The following DENND5B variants were observed in gnomAD, a reference collection of about 807,000 sequenced individuals.
DENND5B encodes the protein DENN domain-containing protein 5B.
DENND5B carries 34 observed loss-of-function variants against 140.6 expected under a neutral mutation model. That is an observed-to-expected ratio of 0.24 (90% CI 0.18 to 0.32). The LOEUF is 0.32. DENND5B is among the 10% of genes least tolerant of loss of function. The pLI, the probability that DENND5B is intolerant of heterozygous loss-of-function variation, is 1.00. For synonymous variants in DENND5B, 551 were observed against 562.1 expected (o/e 0.98, Z 0.28); for missense variants, 1,142 against 1,560.2 (o/e 0.73, Z 4.52).
chr12:31,589,839 G>C (rs1266305384), intron 1 of DENND5B: 1 of 152,188 alleles, frequency 6.6e-6, no homozygotes, highest in Admixed American at 6.5e-5. Context: ...GCCTCCTCTC[G>C]ACACTGCGCA....
At chr12:31,428,866 G>A (rs1943369517) in intron 8 of DENND5B, among the ~76,000 whole-genome samples, 1 of 152,152 alleles carries the variant, frequency 6.6e-6, no homozygotes, top group African/African-American at 2.4e-5. Context: ...CAAGTAGCTG[G>A]GACTACAGGC....
At chr12:31,436,502 T>G (rs189744996) in intron 7 of DENND5B, among the ~76,000 whole-genome samples, 3 of 152,166 alleles carry the variant, frequency 2.0e-5, no homozygotes, top group Admixed American at 1.3e-4. Flanking sequence ...CATTTAGTAC[T>G]GCTGATCGCT....
chr12:31,547,080 T>C lies in DENND5B; in HGVS notation c.127+43626A>G, dbSNP rs549646282. ...TCCTCTAGAGTTTCTCTGAGGTCACTGCCATGTTGCTTCCTATCAGACAAG... is the reference window on the plus strand; with the variant it reads ...TCCTCTAGAGTTTCTCTGAGGTCACCGCCATGTTGCTTCCTATCAGACAAG... On this transcript the variant is annotated intron_variant, in intron 1 of 20. Transcript: ENST00000389082. Among the ~76,000 whole-genome samples the C allele has an allele frequency of 3.4e-4, 52 of 152,358 alleles. 1 individual carries two copies. The South Asian group carries it at 0.01, about 30-fold the overall frequency.
chr12:31,539,998 A>C (rs1196265562), intron 1 of DENND5B, among the ~76,000 whole-genome samples: 1 of 152,154 alleles, frequency 6.6e-6, no homozygotes, highest in African/African-American at 2.4e-5. Flanking sequence ...CCACCAAAAA[A>C]CTATTAGAAC....
At chr12:31,540,672 CAAA>C (rs1190833043) in intron 1 of DENND5B, among the ~76,000 whole-genome samples, 2 of 141,090 alleles carry the variant, frequency 1.4e-5, no homozygotes, top group African/African-American at 5.2e-5. Context: ...ACCCCCCCAC[CAAA>C]AAAAAAAGAA....
intron 6 of DENND5B, among the ~76,000 whole-genome samples, chr12:31,444,467 C>A (rs1447465180): frequency 6.6e-6 from 1 of 152,130 alleles, no homozygotes; most frequent in Non-Finnish European, 1.5e-5. Flanking sequence ...TGGTCTCGAA[C>A]CCATGACCCC....
intron 4 of DENND5B, among the ~76,000 whole-genome samples, chr12:31,456,861 T>C (rs893181531): frequency 6.6e-6 from 1 of 152,152 alleles, no homozygotes; most frequent in African/African-American, 2.4e-5. Flanking sequence ...AGAGGATCGC[T>C]TGAGCCCAAG....
chr12:31,567,751 C>T (rs555444580), intron 1 of DENND5B, among the ~76,000 whole-genome samples: 1 of 152,134 alleles, frequency 6.6e-6, no homozygotes, highest in African/African-American at 2.4e-5. Context: ...ATTAAGGCTG[C>T]AGTGAGCTAT....
chr12:31,399,127 C>CAAAAAAAA (rs1491109183), intron 16 of DENND5B, among the ~76,000 whole-genome samples: 2 of 13,908 alleles, frequency 1.4e-4, no homozygotes, highest in Non-Finnish European at 2.6e-4. Flanking sequence ...TGTCTCAGCC[C>CAAAAAAAA]AAAAAAAAAA....
chr12:31,393,416 C>A (rs1941255344), intron 17 of DENND5B, among the ~76,000 whole-genome samples: 1 of 152,220 alleles, frequency 6.6e-6, no homozygotes, highest in Non-Finnish European at 1.5e-5. Flanking sequence ...CTTCTGCCAG[C>A]CAGTACTTGC....
chr12:31,387,821 G>A (rs1262691483), intron 20 of DENND5B, 35 bp from the exon 21 acceptor site: 3 of 1,589,982 alleles, frequency 1.9e-6, no homozygotes, highest in Non-Finnish European at 1.7e-6. Context: ...CCTGAGCATT[G>A]CTGGCCTCGC....
At chr12:31,392,207 C>CT (rs1941185208) in intron 19 of DENND5B, 60 bp downstream of exon 19, 5 of 1,590,440 alleles carry the variant, frequency 3.1e-6, no homozygotes, top group South Asian at 1.1e-5. Context: ...ATTCCTGGGT[C>CT]TTTGAGTTCC....
At chr12:31,529,162 CAAAA>C (rs57966147) in intron 1 of DENND5B, among the ~76,000 whole-genome samples, 2 of 113,234 alleles carry the variant, frequency 1.8e-5, no homozygotes, top group Admixed American at 9.1e-5. Flanking sequence ...AACTCTGTCT[CAAAA>C]AAAAAAAAAA....
intron 8 of DENND5B, among the ~76,000 whole-genome samples, chr12:31,429,952 C>T (rs918484281): frequency 6.6e-6 from 1 of 151,720 alleles, no homozygotes; most frequent in Non-Finnish European, 1.5e-5. Flanking sequence ...AATGATCTCC[C>T]CACCTCAGCC....
At chr12:31,578,709 C>G (rs1488366548) in intron 1 of DENND5B, among the ~76,000 whole-genome samples, 1 of 152,142 alleles carries the variant, frequency 6.6e-6, no homozygotes, top group Non-Finnish European at 1.5e-5. Context: ...AGCTCATGAA[C>G]AGTAGGCCCA....
At chr12:31,502,813 A>G (rs1947063131) in intron 1 of DENND5B, among the ~76,000 whole-genome samples, 1 of 152,232 alleles carries the variant, frequency 6.6e-6, no homozygotes, top group African/African-American at 2.4e-5. Flanking sequence ...CTCAACAAAA[A>G]CAACAAAGGG....
chr12:31,574,776 T>C (rs940075925), intron 1 of DENND5B, among the ~76,000 whole-genome samples: 1 of 152,230 alleles, frequency 6.6e-6, no homozygotes, highest in African/African-American at 2.4e-5. Flanking sequence ...AAACGGGTCC[T>C]GTCAGTCCTT....
chr12:31,539,113 T>G (rs371421174), intron 1 of DENND5B, among the ~76,000 whole-genome samples: 2 of 151,852 alleles, frequency 1.3e-5, no homozygotes, highest in African/African-American at 4.8e-5. Context: ...ATCAACTATA[T>G]GCCAATAAAT....
chr12:31,501,834 A>G (rs1268842842), intron 1 of DENND5B, among the ~76,000 whole-genome samples: 1 of 152,042 alleles, frequency 6.6e-6, no homozygotes, highest in South Asian at 2.1e-4. Context: ...AGTTAGCAAT[A>G]ATGTATCAAT....
Sources: allele counts gnomAD v4.1 joint callset (sites outside exome capture counted in the v4.1 genomes callset), GRCh38; gene constraint gnomAD v4.1.1; transcripts MANE v1.5; gene names NCBI Gene and HGNC (gene_info 2026-07-23, HGNC 2026-07-21).